The following MYO7B variants were observed in gnomAD, a reference collection of about 807,000 sequenced individuals.
The protein encoded by MYO7B is unconventional myosin-VIIb.
Under a neutral mutation model 259.7 loss-of-function variants are expected in MYO7B, and 212 were observed. The ratio of observed to expected loss-of-function variants is 0.82; its 90% confidence interval spans 0.73 to 0.91. The LOEUF (loss-of-function observed/expected upper bound fraction) is 0.91, where lower values mean the gene tolerates loss of function less well. Ranked by LOEUF, MYO7B falls within the 40% of genes least tolerant of loss-of-function variation. The pLI is 0.00. For synonymous variants in MYO7B, 1,197 were observed against 1,166.4 expected (o/e 1.03, Z -0.54); for missense variants, 2,732 against 2,813.5 (o/e 0.97, Z 0.66).
chr2:127,543,359 C>G (rs1463936856), intron 1 of MYO7B, among the ~76,000 whole-genome samples: 1 of 152,056 alleles, frequency 6.6e-6, no homozygotes, highest in Admixed American at 6.6e-5. Flanking sequence ...CCTGCACAGC[C>G]GTAAATCCAT....
chr2:127,576,549 G>T lies in MYO7B; in HGVS notation c.736-46G>T. 7.6e-7 allele frequency: 1 copy of T among 1,311,418 alleles called. No individual in the cohort carries two copies. The highest frequency in any genetic ancestry group is 1.5e-5 in the African/African-American group (1 of 68,598). The allele number at this position is 1,311,418 out of a possible 1,614,324, so 81.2% of individuals were successfully genotyped here. A position where few individuals can be genotyped will look rare whatever the true frequency, so the allele number is the denominator to read the frequency against. On this transcript the variant is annotated intron_variant, in intron 7 of 47. Transcript: ENST00000409816. This position sits in a 1 kb window ranked among gnomAD's most constrained non-coding sequence, Gnocchi z 4.9. ...GCAGTCTGAGGCCCTGAGGCCTCAG[G>T]GGAATGGCTCATGAATCTGTCTGGA...
chr2:127,539,311 A>G lies in MYO7B; in HGVS notation c.-24+3480A>G, dbSNP rs948359620. Among the ~76,000 whole-genome samples the G allele has an allele frequency of 6.6e-6, 1 of 152,254 alleles. No homozygotes were observed. Among genetic ancestry groups the G allele is most frequent in the Admixed American group, 6.5e-5 (1 of 15,288 alleles). On this transcript the variant is annotated intron_variant, in intron 1 of 47. Coordinates refer to ENST00000409816, the MANE Select transcript of MYO7B (RefSeq NM_001393586.1). This position sits in a 1 kb window ranked among gnomAD's most constrained non-coding sequence, Gnocchi z 4.0. ...GAAAATGTTAGTAAACAAAATGTAC[A>G]TCAGAAAATCCCATATATTTGCTAG...
chr2:127,630,677 A>AC, intron 35 of MYO7B, 101 bp from the exon 36 acceptor site: 1 of 1,537,916 alleles, frequency 6.5e-7, no homozygotes, highest in Non-Finnish European at 8.8e-7. Context: ...CCTGGGCCTG[A>AC]CCCCTCCCAA....
At position 127,607,136 on chromosome 2, in the gene MYO7B, G is replaced by A. The variant is rs1680182791; in HGVS notation, c.2425-70G>A. 4 of 1,418,904 alleles carry A rather than the reference G, an allele frequency of 2.8e-6. No homozygotes were observed. The highest frequency in any genetic ancestry group is 2.9e-6 in the Non-Finnish European group (3 of 1,050,546). 87.9% of individuals were successfully genotyped at this position (1,418,904 alleles called of 1,614,324 possible). A position where few individuals can be genotyped will look rare whatever the true frequency, so the allele number is the denominator to read the frequency against. ...AAATCTATCTTGCACTGCCTCCTGG[G>A]GAGCACCCCTCTCTGTTTCCTGGGG... On this transcript the variant is annotated intron_variant, in intron 20 of 47. Transcript: ENST00000409816. This position sits in a 1 kb window ranked among gnomAD's most constrained non-coding sequence, Gnocchi z 4.4.
intron 1 of MYO7B, among the ~76,000 whole-genome samples, chr2:127,558,133 TCAAA>T (rs1239397078): frequency 3.3e-5 from 5 of 151,812 alleles, no homozygotes; most frequent in Non-Finnish European, 5.9e-5. Context: ...TACAAGGAAC[TCAAA>T]CAAATTAGTA....
intron 19 of MYO7B, among the ~76,000 whole-genome samples, chr2:127,603,595 T>C (rs1323144259): frequency 1.3e-5 from 2 of 152,178 alleles, no homozygotes; most frequent in African/African-American, 2.4e-5. Context: ...CACCCAGGCT[T>C]TGTTGTTTCA....
intron 40 of MYO7B, among the ~76,000 whole-genome samples, 159 bp downstream of exon 40, chr2:127,633,522 G>T (rs1390711143): frequency 1.3e-5 from 2 of 152,058 alleles, no homozygotes; most frequent in African/African-American, 2.4e-5. Flanking sequence ...TGGGATGCAG[G>T]CCCCACCTGC....
At chr2:127,574,763 C>A (rs915285274) in intron 7 of MYO7B, among the ~76,000 whole-genome samples, 3 of 152,150 alleles carry the variant, frequency 2.0e-5, no homozygotes, top group Non-Finnish European at 4.4e-5. Context: ...GTTGTCACAC[C>A]AGGCCCTGTG....
chr2:127,568,899 CAA>C (rs375326672), intron 5 of MYO7B, among the ~76,000 whole-genome samples: 4 of 130,428 alleles, frequency 3.1e-5, no homozygotes, highest in Admixed American at 7.8e-5. Flanking sequence ...GACTCCGTCT[CAA>C]AAAAAAAAAA....
chr2:127,612,397 T>C, intron 25 of MYO7B, 70 bp downstream of exon 25: 1 of 1,541,572 alleles, frequency 6.5e-7, no homozygotes, highest in Non-Finnish European at 8.8e-7. Context: ...GTCTATTGCT[T>C]CCCTCCCTGT....
At chr2:127,634,375 C>T in intron 41 of MYO7B, 86 bp downstream of exon 41, 1 of 1,091,222 alleles carries the variant, frequency 9.2e-7, no homozygotes. Context: ...CTCAGCCTAC[C>T]AGGGGCACCC....
intron 19 of MYO7B, among the ~76,000 whole-genome samples, chr2:127,603,176 T>A (rs80144445): frequency 0.038 from 5,754 of 152,250 alleles, 222 homozygotes; most frequent in South Asian, 0.15. Context: ...AGGATTGGAA[T>A]CAACTTCTAA....
At chr2:127,626,749 A>G in intron 31 of MYO7B, 1 of 472,324 alleles carries the variant, frequency 2.1e-6, no homozygotes, top group Non-Finnish European at 3.8e-6. Flanking sequence ...ACTGCACTCC[A>G]GCCTGGGTGA....
chr2:127,590,030 G>C lies in MYO7B; in HGVS notation c.1855-62G>C. 1 of 1,534,740 alleles carries C rather than the reference G, an allele frequency of 6.5e-7. No homozygotes were observed. Reference sequence around the variant, plus strand: ...TGGCCGCAACCCTTGCTGGCCTACAGGGTCAGCTGTCCCAGGACATGGCTC... The same window carrying C: ...TGGCCGCAACCCTTGCTGGCCTACACGGTCAGCTGTCCCAGGACATGGCTC... On this transcript the variant is annotated intron_variant, in intron 15 of 47. Coordinates refer to ENST00000409816, the MANE Select transcript of MYO7B (RefSeq NM_001393586.1). The surrounding 1 kb of genome is among the most constrained non-coding windows in gnomAD (Gnocchi z 4.6).
Position 127,628,555 on chromosome 2 carries a change from G to A in MYO7B, c.4624+20G>A, listed in dbSNP as rs1400636762. ...CCACAGGTGCCAGACTGGGTGGGGT[G>A]GGGTGGGGTGGGGTGGGGTGGGGGA... On this transcript the variant is annotated intron_variant, in intron 34 of 47. Coordinates refer to ENST00000409816, the MANE Select transcript of MYO7B (RefSeq NM_001393586.1). This position sits in a 1 kb window ranked among gnomAD's most constrained non-coding sequence, Gnocchi z 4.8. The A allele has an allele frequency of 1.6e-6, 2 of 1,224,568 alleles. No homozygotes were observed. The highest frequency in any genetic ancestry group is 2.7e-5 in the East Asian group (1 of 37,482). The allele number at this position is 1,224,568 out of a possible 1,614,324, so 75.9% of individuals were successfully genotyped here.
intron 12 of MYO7B, 126 bp from the exon 13 acceptor site, chr2:127,583,996 G>A: frequency 2.5e-6 from 2 of 785,526 alleles, no homozygotes; most frequent in Non-Finnish European, 4.2e-6. Flanking sequence ...TACACGAGGT[G>A]TGCATCTGTG....
At chr2:127,617,487 GTTTTTTTTTTTTTTTTT>G in intron 26 of MYO7B, among the ~76,000 whole-genome samples, 1 of 84,824 alleles carries the variant, frequency 1.2e-5, no homozygotes, top group Non-Finnish European at 2.2e-5. Context: ...TTGTAACGGG[GTTTTTTTTTTTTTTTTT>G]TTTTTTTTTG....
chr2:127,569,979 T>C (rs1176786497), intron 6 of MYO7B, 69 bp downstream of exon 6: 8 of 1,527,070 alleles, frequency 5.2e-6, no homozygotes, highest in African/African-American at 1.4e-5. Flanking sequence ...GGTAGGACCA[T>C]GGGGAGGGAC....
At chr2:127,574,312 G>A (rs1573640509) in intron 7 of MYO7B, among the ~76,000 whole-genome samples, 1 of 152,162 alleles carries the variant, frequency 6.6e-6, no homozygotes, top group African/African-American at 2.4e-5. Context: ...AAAGCGGGTG[G>A]GTTACTTGAG....
Sources: allele counts gnomAD v4.1 joint callset (sites outside exome capture counted in the v4.1 genomes callset), GRCh38; gene constraint gnomAD v4.1.1; non-coding constraint Gnocchi (gnomAD v3.1); transcripts MANE v1.5; gene names NCBI Gene and HGNC (gene_info 2026-07-23, HGNC 2026-07-21).